BBX: variants seen among roughly 807,000 people sequenced by gnomAD.
BBX encodes BBX high mobility group box domain containing, also known as HMG box transcription factor BBX.
In BBX, 30 loss-of-function variants were observed where a neutral mutation model predicts 100.2. The ratio of observed to expected loss-of-function variants is 0.30; its 90% CI spans 0.22 to 0.41. BBX has a LOEUF of 0.41. Ranked by LOEUF, BBX falls within the 10% of genes least tolerant of loss-of-function variation. BBX has a pLI of 1.00. For missense variants in BBX, 1,023 were observed against 1,129.8 expected, an observed-to-expected ratio of 0.91 and a Z score of 1.35; for synonymous variants, 376 against 388.1, an observed-to-expected ratio of 0.97 and a Z score of 0.37.
chr3:107,629,624 G>A (rs994792925), intron 2 of BBX, among the ~76,000 whole-genome samples: 9 of 152,044 alleles, frequency 5.9e-5, no homozygotes, highest in African/African-American at 1.9e-4. Flanking sequence ...AGTGCCAAAC[G>A]TGTTCCATCT....
chr3:107,687,867 C>A (rs2059937398), intron 3 of BBX, among the ~76,000 whole-genome samples: 1 of 152,008 alleles, frequency 6.6e-6, no homozygotes, highest in African/African-American at 2.4e-5. Flanking sequence ...CCAGCTTGGC[C>A]AACATGGCGA....
At chr3:107,556,996 T>C (rs865982630) in intron 2 of BBX, among the ~76,000 whole-genome samples, 2 of 152,218 alleles carry the variant, frequency 1.3e-5, no homozygotes, top group African/African-American at 2.4e-5. Flanking sequence ...TTCCATAAGG[T>C]ATACCTTCTT....
intron 7 of BBX, among the ~76,000 whole-genome samples, chr3:107,744,164 T>C (rs1192090010): frequency 6.6e-6 from 1 of 152,138 alleles, no homozygotes; most frequent in African/African-American, 2.4e-5. Flanking sequence ...TTGTTGAGTA[T>C]CTACATTGTG....
intron 3 of BBX, among the ~76,000 whole-genome samples, chr3:107,708,686 A>AG (rs2061532636): frequency 2.0e-5 from 3 of 152,022 alleles, no homozygotes; most frequent in African/African-American, 7.2e-5. Flanking sequence ...AAAAAAAAAA[A>AG]AAAATTAATC....
At position 107,773,725 on chromosome 3, in the gene BBX, A is replaced by C; in HGVS notation, c.1915+89A>C. The C allele has an allele frequency of 8.7e-7, 1 of 1,143,232 alleles. No homozygotes were observed. Among genetic ancestry groups the C allele is most frequent in the Non-Finnish European group, 1.2e-6 (1 of 815,592 alleles). 70.8% of individuals were successfully genotyped at this position (1,143,232 alleles called of 1,614,324 possible). On this transcript the variant is annotated intron_variant, in intron 11 of 17. Coordinates refer to ENST00000325805, the MANE Select transcript of BBX (RefSeq NM_001142568.3). The surrounding 1 kb of genome is among the most constrained non-coding windows in gnomAD (Gnocchi z 4.1). ...ATTGAAAACAACTGCCATAAAAAACAATATGGTATCAAAATAATACCTTAC... is the reference window on the plus strand; with the variant it reads ...ATTGAAAACAACTGCCATAAAAAACCATATGGTATCAAAATAATACCTTAC...
chr3:107,666,915 CT>C (rs1196279440), intron 3 of BBX, among the ~76,000 whole-genome samples: 2 of 152,170 alleles, frequency 1.3e-5, no homozygotes, highest in Non-Finnish European at 2.9e-5. Flanking sequence ...TGTTAACCTC[CT>C]ACCCCCAGCC....
At chr3:107,786,919 T>C (rs1220582741) in intron 13 of BBX, among the ~76,000 whole-genome samples, 1 of 152,164 alleles carries the variant, frequency 6.6e-6, no homozygotes, top group Non-Finnish European at 1.5e-5. Flanking sequence ...ATCTAGACTG[T>C]ATAAGGAATG....
chr3:107,539,848 T>C (rs554309595), intron 2 of BBX, among the ~76,000 whole-genome samples: 4 of 152,320 alleles, frequency 2.6e-5, no homozygotes, highest in African/African-American at 7.2e-5. Flanking sequence ...CTGGTCATTA[T>C]TGAGCAGTGT....
At position 107,552,925 on chromosome 3, in the gene BBX, A is replaced by T. The variant is rs144937501; in HGVS notation, c.-84+26527A>T. 1.7e-3 allele frequency among the ~76,000 whole-genome samples: 252 copies of T among 152,346 alleles called. 1 individual carries two copies. Among genetic ancestry groups the T allele is most frequent in the Middle Eastern group, 3.4e-3 (1 of 294 alleles). ...GGATTTATAGATCAAAGCCATTTTT[A>T]GTCATTTTTGCTGAGGTAGTGAAGA... is the stretch of plus-strand genomic sequence containing the variant. On this transcript the variant is annotated intron_variant, in intron 2 of 17. Coordinates refer to ENST00000325805, the MANE Select transcript of BBX (RefSeq NM_001142568.3).
At chr3:107,585,382 G>C (rs58603116) in intron 2 of BBX, among the ~76,000 whole-genome samples, 29,523 of 152,054 alleles carry the variant, frequency 0.19, 4,656 homozygotes, top group East Asian at 0.88. Flanking sequence ...CAGTAGTCTG[G>C]TTATTTATGC....
chr3:107,693,418 G>C (rs1285825564), intron 3 of BBX, among the ~76,000 whole-genome samples: 17 of 151,302 alleles, frequency 1.1e-4, no homozygotes, highest in Non-Finnish European at 2.2e-4. Flanking sequence ...TCTACATATG[G>C]CTAGCCAGTT....
At chr3:107,621,786 C>T (rs958257402) in intron 2 of BBX, among the ~76,000 whole-genome samples, 1 of 152,148 alleles carries the variant, frequency 6.6e-6, no homozygotes, top group Non-Finnish European at 1.5e-5. Flanking sequence ...TGATGCAGTT[C>T]GGTTGATCCT....
intron 2 of BBX, among the ~76,000 whole-genome samples, chr3:107,560,270 C>T (rs1458846804): frequency 6.6e-6 from 1 of 151,714 alleles, no homozygotes; most frequent in East Asian, 1.9e-4. Flanking sequence ...CTCAGTTCCT[C>T]CTAGGTGGTA....
chr3:107,787,761 A>G (rs1559741243), intron 13 of BBX, among the ~76,000 whole-genome samples: 2 of 152,144 alleles, frequency 1.3e-5, no homozygotes. Flanking sequence ...GAAGATAGTT[A>G]AGTAAAGCCT....
At chr3:107,633,129 T>G (rs2056648084) in intron 2 of BBX, among the ~76,000 whole-genome samples, 1 of 152,102 alleles carries the variant, frequency 6.6e-6, no homozygotes, top group Non-Finnish European at 1.5e-5. Flanking sequence ...TGGGAAAACT[T>G]TATTATATAA....
intron 2 of BBX, among the ~76,000 whole-genome samples, chr3:107,631,320 T>C (rs2056534362): frequency 1.3e-5 from 2 of 152,216 alleles, no homozygotes; most frequent in Non-Finnish European, 2.9e-5. Flanking sequence ...GGATAAAAAA[T>C]AGTGAAGATG....
At chr3:107,691,183 C>T (rs1379015631) in intron 3 of BBX, among the ~76,000 whole-genome samples, 1 of 152,042 alleles carries the variant, frequency 6.6e-6, no homozygotes, top group Non-Finnish European at 1.5e-5. Flanking sequence ...GCTGGGATTA[C>T]AGACATGAGC....
rs770497158 is a variant in BBX, at chr3:107,778,426, A to G, written c.2110A>G (p.Ser704Gly). 6.2e-7 allele frequency: 1 copy of G among 1,613,462 alleles called. No homozygotes were observed. ...EKKFNSLPQY[S>G]PVTFDRKCVP... ...AAAATTCAACAGCCTCCCTCAATAT[A>G]GTCCTGTTACATTTGACCGGAAATG... is the stretch of plus-strand genomic sequence containing the variant. Residue 704 changes from serine to glycine, a missense_variant, in exon 13 of 18, where the codon AGT becomes GGT. This residue lies in a region of BBX where 215 missense variants were observed against 211.3 expected (regional missense o/e 1.02). Coordinates refer to ENST00000325805, the MANE Select transcript of BBX (RefSeq NM_001142568.3).
At chr3:107,686,520 G>T (rs1319881868) in intron 3 of BBX, among the ~76,000 whole-genome samples, 1 of 152,016 alleles carries the variant, frequency 6.6e-6, no homozygotes, top group Non-Finnish European at 1.5e-5. Flanking sequence ...TTGGAAGATA[G>T]TTGAAATAGT....
Sources: allele counts gnomAD v4.1 joint callset (sites outside exome capture counted in the v4.1 genomes callset), GRCh38; gene constraint gnomAD v4.1.1; regional missense constraint gnomAD v4.1.1; non-coding constraint Gnocchi (gnomAD v3.1); transcripts MANE v1.5; gene names NCBI Gene and HGNC (gene_info 2026-07-23, HGNC 2026-07-21).